The following POM121 variants were observed in gnomAD, a reference collection of about 807,000 sequenced individuals.
POM121 encodes POM121 transmembrane nucleoporin.
In POM121, 32 loss-of-function variants were observed where a neutral mutation model predicts 81.3. That is an observed-to-expected ratio of 0.39 (90% CI 0.30 to 0.53). The LOEUF (loss-of-function observed/expected upper bound fraction) is 0.53. Ranked by LOEUF, POM121 falls within the 20% of genes least tolerant of loss-of-function variation. The probability of loss-of-function intolerance (pLI) is 0.66; values close to 1 mark genes in which losing one functional copy is unlikely to be tolerated. For synonymous variants in POM121, 514 were observed against 694.2 expected (o/e 0.74, Z 4.08); for missense variants, 1,138 against 1,614.6 (o/e 0.70, Z 5.06).
At chr7:72,939,778 G>A (rs1334543623) in intron 7 of POM121, 69 bp from the exon 8 acceptor site, 6 of 1,610,812 alleles carry the variant, frequency 3.7e-6, no homozygotes, top group East Asian at 2.2e-5. Flanking sequence ...GAAATGCGAA[G>A]TGGGTAGACA....
intron 1 of POM121, among the ~76,000 whole-genome samples, chr7:72,888,765 C>T (rs1323120905): frequency 9.2e-5 from 14 of 151,368 alleles, no homozygotes; most frequent in Middle Eastern, 3.5e-3. Context: ...ACATATCATA[C>T]GTACTATGGC....
chr7:72,944,856 A>T, intron 11 of POM121, among the ~76,000 whole-genome samples: 1 of 152,184 alleles, frequency 6.6e-6, no homozygotes, highest in East Asian at 1.9e-4. Context: ...TCAGCCTCAC[A>T]GGGCGAAGTC....
rs550242822 is a variant in POM121 at position 72,929,851 on chromosome 7, T to G, written c.1104-89T>G. 48 of 1,447,736 alleles carry G rather than the reference T, an allele frequency of 3.3e-5. No homozygotes were observed. In the East Asian group the frequency reaches 1.1e-3, roughly 33 times the overall value. 89.7% of individuals were successfully genotyped at this position (1,447,736 alleles called of 1,614,324 possible). A position where few individuals can be genotyped will look rare whatever the true frequency, so the allele number is the denominator to read the frequency against. The stretch of plus-strand genomic sequence containing the variant: ...TAAAAGCATTATTCTCTTCCCTTCA[T>G]GTTATTAAGAAAGATGTCATGACCG... On this transcript the variant is annotated intron_variant, in intron 4 of 12. Transcript: ENST00000434423.
intron 5 of POM121, among the ~76,000 whole-genome samples, chr7:72,933,345 T>G (rs1173880125): frequency 6.6e-6 from 1 of 152,184 alleles, no homozygotes; most frequent in Admixed American, 6.5e-5. Context: ...AGAGTGAGAT[T>G]CTGTCTCAAA....
At chr7:72,903,118 C>A (rs1792871502) in intron 3 of POM121, among the ~76,000 whole-genome samples, 1 of 151,716 alleles carries the variant, frequency 6.6e-6, no homozygotes, top group African/African-American at 2.4e-5. Context: ...CTTTTCCCCC[C>A]AAAAAGAAAA....
At chr7:72,929,014 C>G (rs879991008) in intron 4 of POM121, among the ~76,000 whole-genome samples, 4 of 152,172 alleles carry the variant, frequency 2.6e-5, no homozygotes, top group African/African-American at 9.7e-5. Flanking sequence ...GCTCACTGTC[C>G]GTGGAGCACT....
chr7:72,884,689 G>T (rs1790532376), intron 1 of POM121, among the ~76,000 whole-genome samples: 1 of 149,496 alleles, frequency 6.7e-6, no homozygotes, highest in Non-Finnish European at 1.5e-5. Flanking sequence ...CTTTTGTTCA[G>T]ATACTTCATT....
At chr7:72,899,907 C>T (rs1792425859) in intron 3 of POM121, among the ~76,000 whole-genome samples, 1 of 134,134 alleles carries the variant, frequency 7.5e-6, no homozygotes, top group Non-Finnish European at 1.7e-5. Context: ...CGTACTTGAG[C>T]ACCAGATTTT....
chr7:72,918,963 A>C (rs1554495524), intron 4 of POM121, among the ~76,000 whole-genome samples: 1 of 151,772 alleles, frequency 6.6e-6, no homozygotes, highest in African/African-American at 2.4e-5. Flanking sequence ...ACACCCGGCT[A>C]ATTTTTTGTA....
upstream of POM121, chr7:72,924,690 T>G: frequency 6.0e-6 from 1 of 165,394 alleles, no homozygotes; most frequent in Non-Finnish European, 1.3e-5. Flanking sequence ...TGATGTGAAA[T>G]TTGGTAGGTA....
chr7:72,928,210 G>GA (rs879963005), intron 3 of POM121, among the ~76,000 whole-genome samples, 175 bp from the exon 4 acceptor site: 218 of 145,698 alleles, frequency 1.5e-3, no homozygotes, highest in African/African-American at 4.6e-3. Context: ...AACTCTGTCT[G>GA]AAAAAAAAAA....
intron 3 of POM121, among the ~76,000 whole-genome samples, chr7:72,911,470 A>G (rs1243601898): frequency 2.6e-5 from 4 of 152,216 alleles, no homozygotes; most frequent in African/African-American, 9.7e-5. Flanking sequence ...GAAACATCCT[A>G]CCCATTTGCA....
chr7:72,905,767 G>A (rs1484086127), intron 3 of POM121, among the ~76,000 whole-genome samples: 1 of 152,248 alleles, frequency 6.6e-6, no homozygotes, highest in Non-Finnish European at 1.5e-5. Flanking sequence ...GGCGAAGAAT[G>A]TGTACCCTGC....
At chr7:72,927,251 T>C (rs1404311262) in intron 3 of POM121, among the ~76,000 whole-genome samples, 10 of 152,228 alleles carry the variant, frequency 6.6e-5, no homozygotes, top group Non-Finnish European at 1.5e-4. Flanking sequence ...TTAAAGTTTA[T>C]TTTCAAGAAA....
intron 3 of POM121, among the ~76,000 whole-genome samples, chr7:72,910,952 G>A (rs1554494178): frequency 6.6e-6 from 1 of 152,090 alleles, no homozygotes; most frequent in African/African-American, 2.4e-5. Context: ...TCCAGAATTT[G>A]TTGGTTTGAT....
At chr7:72,923,113 A>ACCCCCCCC (rs376744233), upstream of POM121, among the ~76,000 whole-genome samples, 1 of 80,804 alleles carries the variant, frequency 1.2e-5, no homozygotes, top group African/African-American at 4.7e-5. Flanking sequence ...CTCCCCCCCA[A>ACCCCCCCC]CCCCCCCCCC....
chr7:72,925,679 G>A lies in POM121; in HGVS notation c.558G>A (p.Pro186=). The A allele has an allele frequency of 2.1e-5, 2 of 95,278 alleles. No individual in the cohort carries two copies. Among genetic ancestry groups the A allele is most frequent in the South Asian group, 2.2e-4 (1 of 4,508 alleles). The allele number at this position is 95,278 out of a possible 1,614,324, so 5.9% of individuals were successfully genotyped here. Residue 186 remains proline (P), a synonymous_variant, in exon 1 of 13, where the codon CCG becomes CCA. Transcript: ENST00000434423. The stretch of plus-strand genomic sequence containing the variant: ...GCTCCCCACCGCCGCGCTCCCCCCC[G>A]CCCTCCCCGCCGACCCATCGCGCTC... ...PPRSPPPRSP[P]PSPPTHRAHH...
In POM121 at chr7:72,939,371, C is replaced by T. The variant is rs781966288; in HGVS notation, c.1403C>T (p.Thr468Ile). ...CTGTGTCATCATTCCAGTTCTTCAA[C>T]TCCATTGGCAGCAGACAGGGAGTCC... ...EELCHHSSSS[T>I]PLAADRESQG... is the part of the protein sequence containing the mutation. The change falls in exon 7 of 13, where the codon ACT becomes ATT. Residue 468 changes from threonine to isoleucine, a missense_variant. Physicochemically the swap from Thr to Ile is moderately conservative, Grantham distance 89. Coordinates refer to ENST00000434423, the MANE Select transcript of POM121 (RefSeq NM_001387691.1). 1.2e-6 allele frequency: 2 copies of T among 1,613,814 alleles called. No individual in the cohort carries two copies. Among genetic ancestry groups the T allele is most frequent in the African/African-American group, 2.7e-5 (2 of 74,920 alleles).
At chr7:72,915,610 G>T (rs1265823509) in intron 4 of POM121, among the ~76,000 whole-genome samples, 1 of 152,098 alleles carries the variant, frequency 6.6e-6, no homozygotes, top group African/African-American at 2.4e-5. Context: ...CCTGACCTCA[G>T]GTGATCCACT....
Sources: allele counts gnomAD v4.1 joint callset (sites outside exome capture counted in the v4.1 genomes callset), GRCh38; gene constraint gnomAD v4.1.1; transcripts MANE v1.5; gene names NCBI Gene and HGNC (gene_info 2026-07-23, HGNC 2026-07-21).